Variants in FGD3 observed in about 807,000 individuals in gnomAD.
FGD3 encodes FYVE, RhoGEF and PH domain-containing protein 3.
A neutral mutation model predicts 71.8 loss-of-function variants in FGD3; 45 were observed. The ratio of observed to expected loss-of-function variants is 0.63; its 90% CI spans 0.49 to 0.80. FGD3 has a LOEUF of 0.80. Among genes scored for constraint, FGD3 ranks in the 30% least tolerant of loss-of-function variants. The pLI is 0.00. For missense variants in FGD3, 844 were observed against 951.5 expected, an observed-to-expected ratio of 0.89 and a Z score of 1.49; for synonymous variants, 378 against 392.8, an observed-to-expected ratio of 0.96 and a Z score of 0.44.
chr9:93,010,411 A>G, intron 7 of FGD3, 27 bp downstream of exon 7: 4 of 1,590,064 alleles, frequency 2.5e-6, no homozygotes, highest in Non-Finnish European at 3.4e-6. Context: ...GGCTCCCAGG[A>G]GGGTGCAGGG....
At chr9:92,992,664 T>A (rs1860460641) in intron 3 of FGD3, among the ~76,000 whole-genome samples, 1 of 152,128 alleles carries the variant, frequency 6.6e-6, no homozygotes, top group South Asian at 2.1e-4. Context: ...CTTGGTGGAA[T>A]GCAGACGGAG....
chr9:92,999,373 C>T (rs948298210), intron 3 of FGD3, among the ~76,000 whole-genome samples: 3 of 152,108 alleles, frequency 2.0e-5, no homozygotes, highest in Non-Finnish European at 4.4e-5. Flanking sequence ...CCGTCTGTCA[C>T]GGCTTCCCTT....
intron 5 of FGD3, among the ~76,000 whole-genome samples, chr9:93,005,321 G>C (rs559151302): frequency 6.6e-6 from 1 of 151,946 alleles, no homozygotes; most frequent in Admixed American, 6.6e-5. Context: ...TAGAGACGGG[G>C]TTTCACCGTG....
intron 1 of FGD3, among the ~76,000 whole-genome samples, chr9:92,962,746 C>G (rs1256686284): frequency 1.3e-5 from 2 of 152,204 alleles, no homozygotes; most frequent in Non-Finnish European, 2.9e-5. Flanking sequence ...TTGAGACCAG[C>G]CTGGCTAACA....
intron 14 of FGD3, among the ~76,000 whole-genome samples, chr9:93,026,851 C>T (rs368502749): frequency 5.9e-5 from 9 of 152,260 alleles, no homozygotes; most frequent in Admixed American, 1.3e-4. Flanking sequence ...CCCTGGGTGC[C>T]GTGGCCAGGG....
chr9:92,997,076 G>A (rs1860676094), intron 3 of FGD3, among the ~76,000 whole-genome samples: 2 of 152,216 alleles, frequency 1.3e-5, no homozygotes, highest in South Asian at 4.1e-4. Flanking sequence ...ACAGTGGGGT[G>A]TTAAAGTCTC....
chr9:92,992,803 G>A (rs773456767), intron 3 of FGD3, among the ~76,000 whole-genome samples: 2 of 152,208 alleles, frequency 1.3e-5, no homozygotes, highest in Non-Finnish European at 2.9e-5. Context: ...TGTACACTTT[G>A]TGATCCTAAT....
rs115618200 is a variant in FGD3, at chr9:93,017,137, G to T, written c.1276-999G>T. On this transcript the variant is annotated intron_variant, in intron 10 of 17. Coordinates refer to ENST00000375482, the MANE Select transcript of FGD3 (RefSeq NM_001083536.2). ...TAAAAAATTAGCCAGGCATGGTGGC[G>T]CACATCTCTATTCCCAGCTACTTGG... 9.2e-3 allele frequency among the ~76,000 whole-genome samples: 1,404 copies of T among 152,054 alleles called. 14 individuals carry two copies. The highest frequency in any genetic ancestry group is 0.033 in the South Asian group (158 of 4,804).
At chr9:92,959,362 T>C (rs1192014146) in intron 1 of FGD3, among the ~76,000 whole-genome samples, 1 of 151,924 alleles carries the variant, frequency 6.6e-6, no homozygotes, top group Non-Finnish European at 1.5e-5. Flanking sequence ...AGTCTTGAAA[T>C]AGGGTAATTG....
chr9:92,988,464 C>T (rs551516593), intron 3 of FGD3, among the ~76,000 whole-genome samples: 2 of 152,194 alleles, frequency 1.3e-5, no homozygotes, highest in Non-Finnish European at 2.9e-5. Flanking sequence ...CTATCAAGAC[C>T]ATCACCTGAT....
chr9:93,031,642 G>A (rs1480856099), intron 15 of FGD3, among the ~76,000 whole-genome samples: 1 of 152,210 alleles, frequency 6.6e-6, no homozygotes, highest in Non-Finnish European at 1.5e-5. Flanking sequence ...CCCCTCTGCT[G>A]TGGCTCCTGA....
At chr9:92,962,950 A>AG (rs1207593841) in intron 1 of FGD3, among the ~76,000 whole-genome samples, 3 of 150,936 alleles carry the variant, frequency 2.0e-5, no homozygotes, top group African/African-American at 7.3e-5. Context: ...AAAAAAAAAA[A>AG]AAAAAAGAAA....
At position 93,003,886 on chromosome 9, in the gene FGD3, C is replaced by T. The variant is rs921792615; in HGVS notation, c.544-115C>T. The T allele has an allele frequency of 8.0e-7, 1 of 1,255,890 alleles. No homozygotes were observed. The highest frequency in any genetic ancestry group is 1.1e-6 in the Non-Finnish European group (1 of 893,076). 77.8% of individuals were successfully genotyped at this position (1,255,890 alleles called of 1,614,324 possible). ...ATAATTCTGAAATTCATTAAGAAAACACAAGGTGGCAGCAGCGGCCCCTCC... is the reference window on the plus strand; with the variant it reads ...ATAATTCTGAAATTCATTAAGAAAATACAAGGTGGCAGCAGCGGCCCCTCC... On this transcript the variant is annotated intron_variant, in intron 4 of 17. Transcript: ENST00000375482. The surrounding 1 kb of genome is among the most constrained non-coding windows in gnomAD (Gnocchi z 4.1).
chr9:92,965,948 C>T (rs1385834972), intron 1 of FGD3, among the ~76,000 whole-genome samples: 1 of 152,164 alleles, frequency 6.6e-6, no homozygotes, highest in Non-Finnish European at 1.5e-5. Context: ...AACAAGGAGG[C>T]TCGGAGGCAA....
rs577992780 is a variant in FGD3 at position 93,022,238 on chromosome 9, T to C, written c.1495-89T>C. The stretch of plus-strand genomic sequence containing the variant: ...CGAGCCTGCCCTCAATGCACAGAGG[T>C]GCTGGGGGCTTCAGGAACTGTCCCC... On this transcript the variant is annotated intron_variant, in intron 13 of 17. Coordinates refer to ENST00000375482, the MANE Select transcript of FGD3 (RefSeq NM_001083536.2). The C allele has an allele frequency of 2.2e-3, 2,904 of 1,321,442 alleles. 12 individuals carry two copies. The highest frequency in any genetic ancestry group is 2.7e-3 in the Non-Finnish European group (2,512 of 945,128). 81.9% of individuals were successfully genotyped at this position (1,321,442 alleles called of 1,614,324 possible).
intron 1 of FGD3, among the ~76,000 whole-genome samples, chr9:92,975,033 G>A (rs879861944): frequency 6.6e-6 from 1 of 152,210 alleles, no homozygotes; most frequent in Admixed American, 6.5e-5. Flanking sequence ...GCTGGTGCAG[G>A]CCCCACCCTT....
chr9:92,965,128 G>A lies in FGD3; in HGVS notation c.-217-10110G>A, dbSNP rs559528432. 3.3e-5 allele frequency among the ~76,000 whole-genome samples: 5 copies of A among 152,328 alleles called. No individual in the cohort carries two copies. In the South Asian group the frequency reaches 6.2e-4, roughly 19 times the overall value. ...AGTGGCGGCACAACCCGATGCCACC[G>A]TGATTGTGCCCACTGTGCAGAGGGG... On this transcript the variant is annotated intron_variant, in intron 1 of 17. Transcript: ENST00000375482.
At chr9:93,032,515 G>A (rs1036367300) in intron 15 of FGD3, 6 of 450,286 alleles carry the variant, frequency 1.3e-5, no homozygotes, top group African/African-American at 1.2e-4. Flanking sequence ...TTCCTCCCAC[G>A]CACACAAGAC....
intron 3 of FGD3, among the ~76,000 whole-genome samples, chr9:93,001,577 G>A (rs945440719): frequency 3.9e-5 from 6 of 152,202 alleles, no homozygotes; most frequent in South Asian, 2.1e-4. Context: ...CTCAGATTCC[G>A]TTGACCCAAG....
Sources: allele counts gnomAD v4.1 joint callset (sites outside exome capture counted in the v4.1 genomes callset), GRCh38; gene constraint gnomAD v4.1.1; non-coding constraint Gnocchi (gnomAD v3.1); transcripts MANE v1.5; gene names NCBI Gene and HGNC (gene_info 2026-07-23, HGNC 2026-07-21).